The following WDR49 variants were observed in gnomAD, a reference collection of about 807,000 sequenced individuals.
The protein encoded by WDR49 is cilia- and flagella-associated protein 337.
A neutral mutation model predicts 119.5 loss-of-function variants in WDR49; 107 were observed. The observed-to-expected ratio is 0.90, with a 90% CI of 0.77 to 1.05. WDR49 has a LOEUF of 1.05. Among genes scored for constraint, WDR49 ranks in the 50% least tolerant of loss-of-function variants. The probability of loss-of-function intolerance (pLI) is 0.00; values close to 1 mark genes in which losing one functional copy is unlikely to be tolerated. For synonymous variants in WDR49, 425 were observed against 418.8 expected, an observed-to-expected ratio of 1.01 and a Z score of -0.18; for missense variants, 1,240 against 1,220.5, an observed-to-expected ratio of 1.02 and a Z score of -0.24.
chr3:167,524,144 C>G (rs1752553568), intron 15 of WDR49, among the ~76,000 whole-genome samples: 1 of 152,088 alleles, frequency 6.6e-6, no homozygotes, highest in Admixed American at 6.6e-5. Context: ...TCTCTAATGA[C>G]CAGTGATAAT....
intron 16 of WDR49, among the ~76,000 whole-genome samples, chr3:167,508,928 A>G (rs909091275): frequency 3.3e-5 from 5 of 152,222 alleles, no homozygotes; most frequent in Admixed American, 1.3e-4. Flanking sequence ...ATCTACTGAC[A>G]GAATAATTAG....
intron 5 of WDR49, among the ~76,000 whole-genome samples, chr3:167,609,944 G>A (rs768123519): frequency 9.2e-5 from 14 of 152,150 alleles, no homozygotes; most frequent in Admixed American, 2.0e-4. Context: ...AACCTGGGCC[G>A]GAAGGGAACC....
At chr3:167,536,479 G>A (rs1211565727) in intron 11 of WDR49, among the ~76,000 whole-genome samples, 1 of 151,688 alleles carries the variant, frequency 6.6e-6, no homozygotes, top group East Asian at 1.9e-4. Context: ...AGGAGTTTGA[G>A]ATCAGCCTGG....
chr3:167,587,610 C>T (rs1001187364), intron 7 of WDR49, among the ~76,000 whole-genome samples: 3 of 152,020 alleles, frequency 2.0e-5, no homozygotes, highest in South Asian at 2.1e-4. Context: ...CTCAGCCTTT[C>T]GGGTAGCTGG....
intron 8 of WDR49, among the ~76,000 whole-genome samples, chr3:167,572,941 G>T (rs1209340319): frequency 6.6e-6 from 1 of 152,060 alleles, no homozygotes; most frequent in African/African-American, 2.4e-5. Context: ...GCAGAGGTAG[G>T]GAAAAACTGC....
At chr3:167,557,601 A>C (rs1233107796) in intron 9 of WDR49, among the ~76,000 whole-genome samples, 2 of 152,012 alleles carry the variant, frequency 1.3e-5, no homozygotes, top group East Asian at 3.9e-4. Flanking sequence ...AAAATACAAA[A>C]AATTAGCCGG....
intron 4 of WDR49, 54 bp downstream of exon 4, chr3:167,621,413 C>A: frequency 7.1e-7 from 1 of 1,405,396 alleles, no homozygotes; most frequent in Non-Finnish European, 9.3e-7. Flanking sequence ...CTACTTTAAA[C>A]TACAGTTTGA....
chr3:167,527,863 C>T lies in WDR49; in HGVS notation c.2561G>A (p.Cys854Tyr), dbSNP rs765607725. The change falls in exon 15 of 19, where the codon TGT becomes TAT. Residue 854 changes from cysteine (C) to tyrosine (Y), a missense_variant. Physicochemically the swap from Cys to Tyr is radical, Grantham distance 194 (BLOSUM62 -2). Transcript: ENST00000682715. ...IISSSADCSI[C>Y]VTGVCNAPVW... Reference sequence around the variant, plus strand: ...AGGAGCATTGCAGACACCAGTCACACAAATACTGCAGTCTGCAGAGGAGGA... The same window carrying T: ...AGGAGCATTGCAGACACCAGTCACATAAATACTGCAGTCTGCAGAGGAGGA... The T allele has an allele frequency of 6.2e-7, 1 of 1,612,920 alleles. No homozygotes were observed. Among genetic ancestry groups the T allele is most frequent in the Admixed American group, 1.7e-5 (1 of 59,818 alleles).
intron 5 of WDR49, among the ~76,000 whole-genome samples, chr3:167,615,984 A>G (rs1291892807): frequency 1.3e-5 from 2 of 152,238 alleles, no homozygotes; most frequent in East Asian, 1.9e-4. Flanking sequence ...AGTGAACATG[A>G]TAATAAACAA....
intron 7 of WDR49, among the ~76,000 whole-genome samples, chr3:167,587,904 T>C (rs1714900506): frequency 6.6e-6 from 1 of 152,190 alleles, no homozygotes; most frequent in African/African-American, 2.4e-5. Flanking sequence ...CACATCAGGG[T>C]AAATGGAGTA....
At position 167,527,913 on chromosome 3, in the gene WDR49, C is replaced by T; in HGVS notation, c.2511G>A (p.Glu837=). Residue 837 remains glutamate (E), a synonymous_variant, in exon 15 of 19, where the codon GAG becomes GAA. Coordinates refer to ENST00000682715, the MANE Select transcript of WDR49 (RefSeq NM_001366157.1). ...EDRISSLEMC[E]PGGQLLIISS... Reference sequence around the variant, plus strand: ...AGATAATCAGTAACTGACCACCTGGCTCACACATCTCTAAGGAACTTATTC... The same window carrying T: ...AGATAATCAGTAACTGACCACCTGGTTCACACATCTCTAAGGAACTTATTC... 3.1e-6 allele frequency: 5 copies of T among 1,613,294 alleles called. No individual in the cohort carries two copies. The highest frequency in any genetic ancestry group is 4.2e-6 in the Non-Finnish European group (5 of 1,179,586).
At chr3:167,598,946 G>C (rs190833656) in intron 7 of WDR49, among the ~76,000 whole-genome samples, 20 of 152,262 alleles carry the variant, frequency 1.3e-4, no homozygotes, top group African/African-American at 4.3e-4. Context: ...GAGTCTCTCT[G>C]TCTCTATTCT....
intron 7 of WDR49, among the ~76,000 whole-genome samples, chr3:167,599,002 C>T (rs76689665): frequency 9.2e-5 from 14 of 152,150 alleles, no homozygotes; most frequent in Non-Finnish European, 1.6e-4. Context: ...ACTTATGTGG[C>T]CATCACCACT....
chr3:167,527,600 C>T (rs977578605), intron 15 of WDR49, among the ~76,000 whole-genome samples: 1 of 151,904 alleles, frequency 6.6e-6, no homozygotes, highest in Non-Finnish European at 1.5e-5. Flanking sequence ...CTGCACAGAG[C>T]CCCCATCTTT....
intron 16 of WDR49, among the ~76,000 whole-genome samples, chr3:167,517,959 C>T (rs964213383): frequency 6.6e-6 from 1 of 152,058 alleles, no homozygotes; most frequent in African/African-American, 2.4e-5. Flanking sequence ...TCTTCAATTC[C>T]CACCTATGAG....
rs772727331 is a variant in WDR49, at chr3:167,653,356, T to C, written c.70A>G (p.Thr24Ala). The C allele has an allele frequency of 6.5e-7, 1 of 1,536,102 alleles. No homozygotes were observed. The highest frequency in any genetic ancestry group is 8.7e-7 in the Non-Finnish European group (1 of 1,146,868). ...TCTTCAAATGCAGTTACACCTTCTG[T>C]TCTCTCAGGACTCTTTGGCCCAAGC... Reference protein sequence around the residue: ...SQLGPKSPERTEGVTAFEDYG... With the variant: ...SQLGPKSPERAEGVTAFEDYG... The change falls in exon 2 of 19, where the codon ACA (threonine) becomes GCA (alanine). Residue 24 changes from threonine to alanine, a missense_variant. Coordinates refer to ENST00000682715, the MANE Select transcript of WDR49 (RefSeq NM_001366157.1).
At position 167,478,863 on chromosome 3, in the gene WDR49, G is replaced by C. The variant is rs375411249; in HGVS notation, c.*15C>G. On this transcript the variant is annotated 3_prime_UTR_variant, in exon 19 of 19. Transcript: ENST00000682715. ...ATCTGTACCTTATGTAACAGTGAAG[G>C]TTTTTCTGTTGTAATTACTTCTTAT... The C allele has an allele frequency of 6.5e-7, 1 of 1,541,840 alleles. No homozygotes were observed. The highest frequency in any genetic ancestry group is 8.9e-7 in the Non-Finnish European group (1 of 1,127,182).
At chr3:167,506,488 C>T (rs924506692) in intron 16 of WDR49, among the ~76,000 whole-genome samples, 4 of 152,120 alleles carry the variant, frequency 2.6e-5, no homozygotes, top group Non-Finnish European at 4.4e-5. Context: ...GTCTGTGTAT[C>T]TCTCTTAAAC....
intron 8 of WDR49, among the ~76,000 whole-genome samples, chr3:167,572,450 G>T (rs1713986351): frequency 6.6e-6 from 1 of 152,118 alleles, no homozygotes; most frequent in Non-Finnish European, 1.5e-5. Flanking sequence ...ACAACACAAG[G>T]GAAGGTTTTC....
Sources: allele counts gnomAD v4.1 joint callset (sites outside exome capture counted in the v4.1 genomes callset), GRCh38; gene constraint gnomAD v4.1.1; transcripts MANE v1.5; gene names NCBI Gene and HGNC (gene_info 2026-07-23, HGNC 2026-07-21).